The following SUSD6 variants were observed in gnomAD, a reference collection of about 807,000 sequenced individuals.
The protein encoded by SUSD6 is sushi domain containing 6, also known as sushi domain-containing protein 6.
Under a neutral mutation model 28.4 loss-of-function variants are expected in SUSD6, and 16 were observed. That is an observed-to-expected ratio of 0.56 (90% CI 0.38 to 0.86). The LOEUF is 0.86. SUSD6 is among the 40% of genes least tolerant of loss of function. The probability of loss-of-function intolerance (pLI) is 0.00; values close to 1 mark genes in which losing one functional copy is unlikely to be tolerated. For synonymous variants in SUSD6, 147 were observed against 159.6 expected, an observed-to-expected ratio of 0.92 and a Z score of 0.59; for missense variants, 341 against 384.2, an observed-to-expected ratio of 0.89 and a Z score of 0.94.
At chr14:69,636,644 C>A (rs1026844866) in intron 1 of SUSD6, among the ~76,000 whole-genome samples, 1 of 152,224 alleles carries the variant, frequency 6.6e-6, no homozygotes, top group African/African-American at 2.4e-5. Context: ...CCAGAAGAGG[C>A]AGGTAGCCAG....
At chr14:69,641,370 C>G (rs1423020211) in intron 1 of SUSD6, among the ~76,000 whole-genome samples, 1 of 152,074 alleles carries the variant, frequency 6.6e-6, no homozygotes. Context: ...CTCTCCCCAA[C>G]CATTACTCCT....
intron 1 of SUSD6, among the ~76,000 whole-genome samples, chr14:69,643,693 G>A (rs555850407): frequency 2.0e-5 from 3 of 152,218 alleles, no homozygotes; most frequent in Non-Finnish European, 2.9e-5. Flanking sequence ...AAGTCTCTGT[G>A]TGTGGGTGAG....
At chr14:69,675,921 C>G (rs1300265931) in intron 2 of SUSD6, among the ~76,000 whole-genome samples, 1 of 151,604 alleles carries the variant, frequency 6.6e-6, no homozygotes, top group Non-Finnish European at 1.5e-5. Context: ...GCTTTTTGTA[C>G]TATGTTGTTT....
intron 1 of SUSD6, among the ~76,000 whole-genome samples, chr14:69,639,966 T>TTTG (rs1555343348): frequency 6.8e-6 from 1 of 148,140 alleles, no homozygotes; most frequent in Admixed American, 6.8e-5. Flanking sequence ...GTTTTTTTTT[T>TTTG]TTTTTTTTTT....
chr14:69,687,331 G>T (rs550697036), intron 2 of SUSD6, among the ~76,000 whole-genome samples: 1 of 152,088 alleles, frequency 6.6e-6, no homozygotes, highest in Admixed American at 6.6e-5. Context: ...GGCTGTTCTC[G>T]AACTCCTGAC....
At chr14:69,622,781 A>G (rs183192121) in intron 1 of SUSD6, among the ~76,000 whole-genome samples, 10 of 152,122 alleles carry the variant, frequency 6.6e-5, no homozygotes, top group Middle Eastern at 6.8e-3. Context: ...TTTAGTAGAG[A>G]TGAAGTTTCA....
At position 69,711,307 on chromosome 14, in the gene SUSD6, C is replaced by A. The variant is rs1886459894; in HGVS notation, c.*328C>A. On this transcript the variant is annotated 3_prime_UTR_variant, in exon 6 of 6. Transcript: ENST00000342745. Reference sequence around the variant, plus strand: ...CCTCCAGCCAGCTCTTTGGCGGCAGCCCCCACCAGCTCCTGTGGGCCTGAG... The same window carrying A: ...CCTCCAGCCAGCTCTTTGGCGGCAGACCCCACCAGCTCCTGTGGGCCTGAG... The A allele has an allele frequency of 1.5e-5, 6 of 392,392 alleles. No homozygotes were observed. The East Asian group carries it at 3.1e-4, about 20-fold the overall frequency. The allele number at this position is 392,392 out of a possible 1,614,324, so 24.3% of individuals were successfully genotyped here.
At chr14:69,629,159 G>C (rs1420905809) in intron 1 of SUSD6, among the ~76,000 whole-genome samples, 2 of 151,952 alleles carry the variant, frequency 1.3e-5, no homozygotes, top group Non-Finnish European at 2.9e-5. Context: ...GGAGTGAATG[G>C]TCCTGGTGAG....
intron 2 of SUSD6, among the ~76,000 whole-genome samples, chr14:69,700,858 A>G (rs2139643893): frequency 6.6e-6 from 1 of 152,290 alleles, no homozygotes; most frequent in South Asian, 2.1e-4. Context: ...TTTGAATTTA[A>G]TACCTTGTAT....
chr14:69,705,040 G>A (rs760721718), intron 4 of SUSD6, among the ~76,000 whole-genome samples: 2 of 152,172 alleles, frequency 1.3e-5, no homozygotes, highest in African/African-American at 2.4e-5. Context: ...CTGAGGCTGC[G>A]CGCGGTGGCT....
chr14:69,693,663 CA>C (rs1408484195), intron 2 of SUSD6, among the ~76,000 whole-genome samples: 1 of 152,182 alleles, frequency 6.6e-6, no homozygotes, highest in African/African-American at 2.4e-5. Flanking sequence ...AGGCATGATA[CA>C]AGACCCTTTC....
chr14:69,656,458 G>A (rs1367001161), intron 1 of SUSD6, among the ~76,000 whole-genome samples: 1 of 152,206 alleles, frequency 6.6e-6, no homozygotes, highest in Non-Finnish European at 1.5e-5. Flanking sequence ...ATACCAAAGG[G>A]CCCATTGCCA....
chr14:69,631,887 C>G (rs192853209), intron 1 of SUSD6, among the ~76,000 whole-genome samples: 86 of 152,292 alleles, frequency 5.6e-4, no homozygotes, highest in African/African-American at 2.0e-3. Flanking sequence ...AAAGGTACAG[C>G]ATGACTGTTC....
intron 1 of SUSD6, among the ~76,000 whole-genome samples, chr14:69,626,112 A>AG (rs1017841909): frequency 2.6e-5 from 4 of 151,916 alleles, no homozygotes; most frequent in Admixed American, 6.6e-5. Context: ...GCATTTTGAG[A>AG]GGGGGGAAAA....
At chr14:69,634,977 C>T (rs1885243123) in intron 1 of SUSD6, among the ~76,000 whole-genome samples, 1 of 152,098 alleles carries the variant, frequency 6.6e-6, no homozygotes, top group Non-Finnish European at 1.5e-5. Context: ...ATACTATGGC[C>T]TCAGTTTGCC....
chr14:69,645,753 CT>C (rs764110222), intron 1 of SUSD6, among the ~76,000 whole-genome samples: 1,673 of 144,830 alleles, frequency 0.012, 14 homozygotes, highest in African/African-American at 0.034. Context: ...CACTTTCTCA[CT>C]TTTTTTTTTT....
rs187767397 is a variant in SUSD6, at chr14:69,658,093, T to C, written c.-80-420T>C. On this transcript the variant is annotated intron_variant, in intron 1 of 5. Transcript: ENST00000342745. The stretch of plus-strand genomic sequence containing the variant: ...CTTCTCTAGGCGGTGTATTCTCTCT[T>C]TACGACACGTGTTCTCTCTCTTTTT... Among the ~76,000 whole-genome samples the C allele has an allele frequency of 2.3e-3, 350 of 152,350 alleles. 3 individuals carry two copies. The highest frequency in any genetic ancestry group is 8.0e-3 in the African/African-American group (334 of 41,572).
In SUSD6 at chr14:69,645,152, A is replaced by G. The variant is rs371529011; in HGVS notation, c.-80-13361A>G. ...TGGAGAATATTTGGAGCCAGAAGAC[A>G]GGATCTTGTTTGGCTTGAGTGTGCA... On this transcript the variant is annotated intron_variant, in intron 1 of 5. Transcript: ENST00000342745. 2.3e-3 allele frequency among the ~76,000 whole-genome samples: 352 copies of G among 152,326 alleles called. 3 individuals carry two copies. The highest frequency in any genetic ancestry group is 8.1e-3 in the African/African-American group (336 of 41,574).
intron 1 of SUSD6, among the ~76,000 whole-genome samples, chr14:69,637,038 A>AGGTGTTT: frequency 6.6e-6 from 1 of 152,172 alleles, no homozygotes; most frequent in Non-Finnish European, 1.5e-5. Flanking sequence ...CAAACCCGGG[A>AGGTGTTT]GTCTGCCCCT....
Sources: allele counts gnomAD v4.1 joint callset (sites outside exome capture counted in the v4.1 genomes callset), GRCh38; gene constraint gnomAD v4.1.1; transcripts MANE v1.5; gene names NCBI Gene and HGNC (gene_info 2026-07-23, HGNC 2026-07-21).